MAGI1: variants seen among roughly 807,000 people sequenced by gnomAD.
The protein encoded by MAGI1 is membrane associated guanylate kinase, WW and PDZ domain containing 1, also known as membrane-associated guanylate kinase, WW and PDZ domain-containing protein 1.
A neutral mutation model predicts 139.9 loss-of-function variants in MAGI1; 58 were observed. The observed-to-expected ratio is 0.41, with a 90% CI of 0.34 to 0.52. MAGI1 has a LOEUF of 0.52. Among genes scored for constraint, MAGI1 ranks in the 20% least tolerant of loss-of-function variants. The probability of loss-of-function intolerance (pLI) is 0.12; values close to 1 mark genes in which losing one functional copy is unlikely to be tolerated. For missense variants in MAGI1, 1,874 were observed against 1,901.6 expected (o/e 0.99, Z 0.27); for synonymous variants, 812 against 737.9 (o/e 1.10, Z -1.63).
At chr3:65,404,379 A>T (rs1945162522) in intron 12 of MAGI1, among the ~76,000 whole-genome samples, 1 of 152,208 alleles carries the variant, frequency 6.6e-6, no homozygotes, top group African/African-American at 2.4e-5. Flanking sequence ...AGCTCAACTG[A>T]CACAACAAAC....
chr3:65,590,897 C>A (rs113273104), intron 2 of MAGI1, among the ~76,000 whole-genome samples: 1 of 152,186 alleles, frequency 6.6e-6, no homozygotes, highest in African/African-American at 2.4e-5. Flanking sequence ...AGAATGAACA[C>A]GCTTACACAT....
intron 5 of MAGI1, among the ~76,000 whole-genome samples, chr3:65,454,047 G>C (rs571148279): frequency 2.6e-5 from 4 of 152,054 alleles, no homozygotes; most frequent in Non-Finnish European, 4.4e-5. Flanking sequence ...AAAGTGTAGA[G>C]ACACATTCCC....
intron 1 of MAGI1, among the ~76,000 whole-genome samples, chr3:66,026,781 G>A (rs1048309373): frequency 1.3e-5 from 2 of 151,674 alleles, no homozygotes; most frequent in Non-Finnish European, 2.9e-5. Flanking sequence ...GCAGCACACC[G>A]TTTTTTGGCA....
chr3:65,875,937 T>C (rs35275560), intron 1 of MAGI1, among the ~76,000 whole-genome samples: 28,683 of 151,756 alleles, frequency 0.19, 2,930 homozygotes, highest in Middle Eastern at 0.28. Flanking sequence ...AACCAACCAG[T>C]CCACATTAAA....
chr3:65,794,722 C>A (rs796540921), intron 1 of MAGI1, among the ~76,000 whole-genome samples: 1 of 151,194 alleles, frequency 6.6e-6, no homozygotes, highest in Non-Finnish European at 1.5e-5. Context: ...AAAGAGGGGG[C>A]AAAGAAAAGA....
At chr3:65,657,091 T>C (rs1200782018) in intron 1 of MAGI1, among the ~76,000 whole-genome samples, 1 of 152,010 alleles carries the variant, frequency 6.6e-6, no homozygotes. Context: ...TGCCAAGTAT[T>C]GGGCTAAAAA....
At chr3:65,811,649 G>A (rs1485660899) in intron 1 of MAGI1, among the ~76,000 whole-genome samples, 1 of 151,354 alleles carries the variant, frequency 6.6e-6, no homozygotes, top group Non-Finnish European at 1.5e-5. Context: ...CTGGGCTGCA[G>A]AGAAAGAGAT....
intron 2 of MAGI1, among the ~76,000 whole-genome samples, chr3:65,509,965 G>A (rs1350523447): frequency 6.6e-6 from 1 of 152,174 alleles, no homozygotes; most frequent in Non-Finnish European, 1.5e-5. Flanking sequence ...CTGAGAACCG[G>A]CAGACTGCCT....
At chr3:65,844,523 G>C (rs1174595428) in intron 1 of MAGI1, 1 of 227,868 alleles carries the variant, frequency 4.4e-6, no homozygotes, top group Non-Finnish European at 8.6e-6. Context: ...TCTTCTCAGA[G>C]AGCCCTGAAG....
intron 2 of MAGI1, among the ~76,000 whole-genome samples, chr3:65,508,860 T>C (rs1213994063): frequency 6.6e-6 from 1 of 152,132 alleles, no homozygotes; most frequent in Non-Finnish European, 1.5e-5. Context: ...CACTCTTGGG[T>C]TCCATCTGAT....
chr3:65,723,234 G>A (rs1399938764), intron 1 of MAGI1, among the ~76,000 whole-genome samples: 1 of 152,154 alleles, frequency 6.6e-6, no homozygotes, highest in African/African-American at 2.4e-5. Context: ...GGCACTGTGG[G>A]TACACCTCGG....
chr3:65,662,548 A>G (rs10222478), intron 1 of MAGI1, among the ~76,000 whole-genome samples: 60,896 of 152,076 alleles, frequency 0.4, 12,560 homozygotes, highest in East Asian at 0.63. Context: ...GGTCAGTATG[A>G]CAGATATGTT....
At chr3:65,368,687 T>G (rs1004938841) in intron 18 of MAGI1, among the ~76,000 whole-genome samples, 12 of 152,228 alleles carry the variant, frequency 7.9e-5, no homozygotes, top group African/African-American at 2.9e-4. Context: ...ATGGGGAAAT[T>G]TGAATCCCAT....
chr3:65,859,956 C>A (rs1261803448), intron 1 of MAGI1, among the ~76,000 whole-genome samples: 1 of 150,936 alleles, frequency 6.6e-6, no homozygotes, highest in African/African-American at 2.4e-5. Flanking sequence ...AGGGCAATGG[C>A]GCGATCTCGG....
chr3:65,724,490 A>C (rs898320246), intron 1 of MAGI1, among the ~76,000 whole-genome samples: 1 of 152,226 alleles, frequency 6.6e-6, no homozygotes, highest in Non-Finnish European at 1.5e-5. Context: ...TATACTGCCC[A>C]TTAGAATGGA....
chr3:65,612,422 T>C (rs2083171865), intron 2 of MAGI1, among the ~76,000 whole-genome samples: 1 of 152,156 alleles, frequency 6.6e-6, no homozygotes, highest in Non-Finnish European at 1.5e-5. Flanking sequence ...AGTTGCATCA[T>C]TCACCATGGC....
intron 12 of MAGI1, among the ~76,000 whole-genome samples, chr3:65,409,254 C>T (rs897082294): frequency 4.6e-5 from 7 of 152,120 alleles, no homozygotes; most frequent in Non-Finnish European, 7.3e-5. Flanking sequence ...GCAAAGCAAC[C>T]GTTTTATAAT....
At chr3:66,032,933 A>C (rs1269246278) in intron 1 of MAGI1, among the ~76,000 whole-genome samples, 1 of 143,804 alleles carries the variant, frequency 7.0e-6, no homozygotes, top group African/African-American at 2.8e-5. Context: ...AAAAAAAAAA[A>C]ACAACAACAA....
chr3:65,484,662 C>T (rs1951513731), intron 3 of MAGI1, among the ~76,000 whole-genome samples: 1 of 152,082 alleles, frequency 6.6e-6, no homozygotes, highest in Non-Finnish European at 1.5e-5. Flanking sequence ...TCACTCTGAC[C>T]TCACTGGTTG....
Sources: gnomAD v4.1 joint callset for allele counts (sites outside exome capture counted in the v4.1 genomes callset) on GRCh38, gnomAD v4.1.1 for gene constraint, MANE v1.5 for transcripts, NCBI Gene and HGNC (gene_info 2026-07-23, HGNC 2026-07-21) for gene names.